Variants in NKAIN3 observed in about 807,000 individuals in gnomAD.
NKAIN3 encodes sodium/potassium-transporting ATPase subunit beta-1-interacting protein 3.
Under a neutral mutation model 30.2 loss-of-function variants are expected in NKAIN3, and 25 were observed. That is an observed-to-expected ratio of 0.83 (90% CI 0.60 to 1.16). NKAIN3 has a LOEUF of 1.16. NKAIN3 is among the 50% of genes most tolerant of loss of function. NKAIN3 has a pLI of 0.00. For missense variants in NKAIN3, 225 were observed against 254.1 expected, an observed-to-expected ratio of 0.89 and a Z score of 0.78; for synonymous variants, 91 against 89.6, an observed-to-expected ratio of 1.02 and a Z score of -0.09.
At chr8:62,732,660 G>GAACTGT (rs1815511882) in intron 3 of NKAIN3, among the ~76,000 whole-genome samples, 2 of 151,962 alleles carry the variant, frequency 1.3e-5, no homozygotes, top group African/African-American at 4.8e-5. Flanking sequence ...ACTACACACA[G>GAACTGT]TTCTGTTCAT....
chr8:62,731,208 G>C lies in NKAIN3; in HGVS notation c.274-15724G>C, dbSNP rs546523763. Among the ~76,000 whole-genome samples, 7 of 149,594 alleles carry C rather than the reference G, an allele frequency of 4.7e-5. No homozygotes were observed. The East Asian group carries it at 1.4e-3, about 30-fold the overall frequency. ...TCTGCTAGAGCAACATTGTTTCCGA[G>C]CCATTTCAGTGGACAGGGATCACAG... On this transcript the variant is annotated intron_variant, in intron 3 of 6. Coordinates refer to ENST00000623646, the MANE Select transcript of NKAIN3 (RefSeq NM_001304533.3).
intron 1 of NKAIN3, among the ~76,000 whole-genome samples, chr8:62,318,537 T>C (rs1563931371): frequency 6.6e-6 from 1 of 152,082 alleles, no homozygotes; most frequent in Admixed American, 6.6e-5. Context: ...GGCCTTTTCT[T>C]CATCTATTGA....
At position 62,974,475 on chromosome 8, in the gene NKAIN3, T is replaced by C. The variant is rs1413899907; in HGVS notation, c.*9068T>C. On this transcript the variant is annotated 3_prime_UTR_variant, in exon 7 of 7. Transcript: ENST00000623646. ...TGGCTCTCTGTTTGTCTATTATTGG[T>C]GTATAGGAATGCTTGTGATTTTTGC... 3.3e-5 allele frequency among the ~76,000 whole-genome samples: 5 copies of C among 152,174 alleles called. No individual in the cohort carries two copies. Among genetic ancestry groups the C allele is most frequent in the Non-Finnish European group, 5.9e-5 (4 of 68,030 alleles).
At chr8:62,794,144 C>T (rs1817783122) in intron 4 of NKAIN3, among the ~76,000 whole-genome samples, 1 of 152,122 alleles carries the variant, frequency 6.6e-6, no homozygotes, top group African/African-American at 2.4e-5. Context: ...CTGCTTTTGC[C>T]TTCTGTTTGC....
At chr8:62,766,149 TTG>T (rs1270839219) in intron 4 of NKAIN3, among the ~76,000 whole-genome samples, 1 of 152,186 alleles carries the variant, frequency 6.6e-6, no homozygotes, top group Admixed American at 6.5e-5. Flanking sequence ...CTGATGATTA[TTG>T]GTTATTAGAA....
chr8:62,298,514 A>G (rs959157810), intron 1 of NKAIN3, among the ~76,000 whole-genome samples: 13 of 151,894 alleles, frequency 8.6e-5, no homozygotes, highest in African/African-American at 3.1e-4. Context: ...TCTGATCTCC[A>G]CTTCCCTCCC....
At chr8:62,586,002 AT>A (rs1157323380) in intron 2 of NKAIN3, among the ~76,000 whole-genome samples, 1 of 152,190 alleles carries the variant, frequency 6.6e-6, no homozygotes, top group Non-Finnish European at 1.5e-5. Flanking sequence ...ATGCAGATGA[AT>A]TAGCAAATTT....
At position 62,704,254 on chromosome 8, in the gene NKAIN3, A is replaced by G. The variant is rs145394551; in HGVS notation, c.274-42678A>G. On this transcript the variant is annotated intron_variant, in intron 3 of 6. Transcript: ENST00000623646. ...TTCTAAACTTTCTAAATGAGATTTT[A>G]GTTTACATTACAATATGTTTCATAC... is the stretch of plus-strand genomic sequence containing the variant. Among the ~76,000 whole-genome samples, 33 of 152,246 alleles carry G rather than the reference A, an allele frequency of 2.2e-4. No homozygotes were observed. The East Asian group carries it at 5.6e-3, about 26-fold the overall frequency.
chr8:62,408,626 T>C (rs2129595710), intron 1 of NKAIN3, among the ~76,000 whole-genome samples: 1 of 152,334 alleles, frequency 6.6e-6, no homozygotes, highest in African/African-American at 2.4e-5. Flanking sequence ...TAGAGGTGAT[T>C]CGTGTCTGGC....
chr8:62,459,637 T>G (rs755817287), intron 1 of NKAIN3, among the ~76,000 whole-genome samples: 4 of 152,208 alleles, frequency 2.6e-5, no homozygotes, highest in Admixed American at 6.5e-5. Flanking sequence ...AGGGAAATGT[T>G]ACTTTAGTAA....
chr8:62,953,449 T>G (rs1033269984), intron 5 of NKAIN3, among the ~76,000 whole-genome samples: 1 of 151,846 alleles, frequency 6.6e-6, no homozygotes, highest in Non-Finnish European at 1.5e-5. Context: ...TTTTGGGGAG[T>G]GGCTTGGGGA....
At chr8:62,663,803 G>A (rs1813016968) in intron 3 of NKAIN3, among the ~76,000 whole-genome samples, 2 of 152,184 alleles carry the variant, frequency 1.3e-5, no homozygotes, top group Non-Finnish European at 2.9e-5. Context: ...ATCTGTGAAT[G>A]AGTCCAGTTA....
intron 4 of NKAIN3, among the ~76,000 whole-genome samples, chr8:62,749,933 C>G (rs1026454409): frequency 6.6e-6 from 1 of 151,906 alleles, no homozygotes; most frequent in Non-Finnish European, 1.5e-5. Flanking sequence ...CCACCCGCCT[C>G]GGTCTCCGAA....
chr8:62,696,414 C>T lies in NKAIN3; in HGVS notation c.274-50518C>T, dbSNP rs115893611. 2.9e-3 allele frequency among the ~76,000 whole-genome samples: 436 copies of T among 152,204 alleles called. 1 individual carries two copies. Among genetic ancestry groups the T allele is most frequent in the African/African-American group, 0.01 (419 of 41,526 alleles). On this transcript the variant is annotated intron_variant, in intron 3 of 6. Coordinates refer to ENST00000623646, the MANE Select transcript of NKAIN3 (RefSeq NM_001304533.3). ...ATGCACCATCTTGCTGAGTTAAAAT[C>T]CTAGTAAGGATTGGATTAATTCTCC...
chr8:62,803,886 A>T (rs1818169418), intron 4 of NKAIN3, among the ~76,000 whole-genome samples: 1 of 152,130 alleles, frequency 6.6e-6, no homozygotes, highest in Admixed American at 6.5e-5. Flanking sequence ...TAAAGAAGAA[A>T]AGAAAGAAGA....
chr8:62,536,475 G>A (rs927477195), intron 1 of NKAIN3, among the ~76,000 whole-genome samples: 13 of 152,054 alleles, frequency 8.5e-5, no homozygotes, highest in African/African-American at 3.1e-4. Flanking sequence ...TGGATTTATT[G>A]AATTACATTT....
intron 3 of NKAIN3, among the ~76,000 whole-genome samples, chr8:62,680,010 G>T (rs940932208): frequency 6.6e-6 from 1 of 152,182 alleles, no homozygotes; most frequent in Non-Finnish European, 1.5e-5. Flanking sequence ...GTCTTCAGCT[G>T]GGAGGAGAGA....
intron 3 of NKAIN3, among the ~76,000 whole-genome samples, chr8:62,658,329 T>A (rs116574947): frequency 6.6e-6 from 1 of 152,238 alleles, no homozygotes; most frequent in South Asian, 2.1e-4. Flanking sequence ...TTTGGCAAAA[T>A]TTAATTTCGC....
chr8:62,341,836 G>T (rs537798966), intron 1 of NKAIN3, among the ~76,000 whole-genome samples: 24 of 151,998 alleles, frequency 1.6e-4, no homozygotes, highest in Non-Finnish European at 3.1e-4. Flanking sequence ...TCCAGGACCT[G>T]CGGAGTTAGA....
Sources: gnomAD v4.1 joint callset for allele counts (sites outside exome capture counted in the v4.1 genomes callset) on GRCh38, gnomAD v4.1.1 for gene constraint, MANE v1.5 for transcripts, NCBI Gene and HGNC (gene_info 2026-07-23, HGNC 2026-07-21) for gene names.